The following RERE variants were observed in gnomAD, a reference collection of about 807,000 sequenced individuals.
RERE encodes the protein arginine-glutamic acid dipeptide repeats protein.
A neutral mutation model predicts 146.1 loss-of-function variants in RERE; 40 were observed. The ratio of observed to expected loss-of-function variants is 0.27; its 90% CI spans 0.21 to 0.36. RERE has a LOEUF of 0.36. Among genes scored for constraint, RERE ranks in the 10% least tolerant of loss-of-function variants. The pLI, the probability that RERE is intolerant of heterozygous loss-of-function variation, is 1.00. For missense variants in RERE, 1,933 were observed against 2,138.7 expected, an observed-to-expected ratio of 0.90 and a Z score of 1.90; for synonymous variants, 1,003 against 866.0, an observed-to-expected ratio of 1.16 and a Z score of -2.78.
intron 2 of RERE, among the ~76,000 whole-genome samples, chr1:8,631,431 G>A (rs1017295572): frequency 6.6e-6 from 1 of 152,114 alleles, no homozygotes; most frequent in African/African-American, 2.4e-5. Context: ...CAGTGATGTG[G>A]ATGTTTTGGA....
At chr1:8,439,463 A>T (rs1644216929) in intron 11 of RERE, among the ~76,000 whole-genome samples, 1 of 152,248 alleles carries the variant, frequency 6.6e-6, no homozygotes, top group Non-Finnish European at 1.5e-5. Flanking sequence ...AAACACCAGG[A>T]AGAAAATAAT....
intron 12 of RERE, among the ~76,000 whole-genome samples, chr1:8,408,893 C>T (rs559467281): frequency 1.8e-4 from 27 of 152,180 alleles, no homozygotes; most frequent in African/African-American, 6.0e-4. Context: ...GTGAATACAA[C>T]GCCTGAGAAT....
chr1:8,503,585 G>A (rs1324300997), intron 8 of RERE, among the ~76,000 whole-genome samples: 2 of 152,164 alleles, frequency 1.3e-5, no homozygotes, highest in East Asian at 3.9e-4. Context: ...ACTGCTATGA[G>A]GAGAACACAA....
intron 1 of RERE, chr1:8,786,934 A>C (rs1024360641): frequency 6.4e-5 from 46 of 721,296 alleles, no homozygotes; most frequent in Non-Finnish European, 1.0e-4. Context: ...AACACCCTCC[A>C]TGGTTCCAGC....
At chr1:8,395,338 G>A (rs1643019157) in intron 12 of RERE, among the ~76,000 whole-genome samples, 2 of 152,152 alleles carry the variant, frequency 1.3e-5, no homozygotes, top group South Asian at 4.2e-4. Flanking sequence ...AGCCGGGCGT[G>A]GTGGCACACG....
chr1:8,516,635 T>C (rs1272243416), intron 7 of RERE, among the ~76,000 whole-genome samples: 1 of 152,140 alleles, frequency 6.6e-6, no homozygotes, highest in Non-Finnish European at 1.5e-5. Context: ...CTACTCAAGG[T>C]CAGCTGACTC....
In RERE at chr1:8,359,396, G is replaced by A. The variant is rs552105360; in HGVS notation, c.3618+368C>T. Among the ~76,000 whole-genome samples the A allele has an allele frequency of 5.9e-5, 9 of 152,318 alleles. No individual in the cohort carries two copies. The South Asian group carries it at 8.3e-4, about 14-fold the overall frequency. ...AGAGGCCCCTCGCAGCCTGCTTATCGCCTGAGTGCTCAGGTCTTCTCTCAA... is the reference window on the plus strand; with the variant it reads ...AGAGGCCCCTCGCAGCCTGCTTATCACCTGAGTGCTCAGGTCTTCTCTCAA... On this transcript the variant is annotated intron_variant, in intron 19 of 22. Transcript: ENST00000400908.
At chr1:8,383,210 A>C (rs918930168) in intron 12 of RERE, among the ~76,000 whole-genome samples, 4 of 151,870 alleles carry the variant, frequency 2.6e-5, no homozygotes, top group Admixed American at 2.0e-4. Flanking sequence ...TTCTGTCTGA[A>C]GATCTCAGCT....
rs35921166 is a variant in RERE, at chr1:8,574,340, CTTTTTTTT to C, written c.523-16825_523-16818del. Among the ~76,000 whole-genome samples the C allele has an allele frequency of 1.7e-4, 15 of 87,230 alleles. No homozygotes were observed. The East Asian group carries it at 5.6e-3, about 33-fold the overall frequency. 57.2% of individuals were successfully genotyped at this position (87,230 alleles called of 152,430 possible). Reference sequence around the variant, plus strand: ...GTTAAGACTATGATCTATATATAGTCTTTTTTTTTTTTTTTTTTTTTTGAGACGCAGTC... The same window carrying C: ...GTTAAGACTATGATCTATATATAGTCTTTTTTTTTTTTTTGAGACGCAGTC... On this transcript the variant is annotated intron_variant, in intron 4 of 22. Coordinates refer to ENST00000400908, the MANE Select transcript of RERE (RefSeq NM_001042681.2).
At chr1:8,413,729 GAGCAGAGGC>G (rs1643678821) in intron 12 of RERE, among the ~76,000 whole-genome samples, 1 of 152,046 alleles carries the variant, frequency 6.6e-6, no homozygotes. Context: ...GCCTGGGGAG[GAGCAGAGGC>G]AGCCCCAGCA....
intron 7 of RERE, among the ~76,000 whole-genome samples, chr1:8,540,662 TA>T (rs1043211885): frequency 6.6e-6 from 1 of 152,200 alleles, no homozygotes; most frequent in Non-Finnish European, 1.5e-5. Context: ...CTTCTCATTT[TA>T]AAAAAATAGT....
intron 1 of RERE, among the ~76,000 whole-genome samples, chr1:8,713,447 A>G (rs1440609078): frequency 6.6e-6 from 1 of 152,202 alleles, no homozygotes; most frequent in Non-Finnish European, 1.5e-5. Context: ...TTAATTAAAA[A>G]CTTTGGCCAG....
intron 7 of RERE, among the ~76,000 whole-genome samples, chr1:8,524,396 A>G (rs1184872856): frequency 1.3e-5 from 2 of 152,218 alleles, no homozygotes; most frequent in Admixed American, 6.5e-5. Context: ...GCCTTCCTAA[A>G]AACTTTCCAC....
At chr1:8,596,652 C>G (rs1339252012) in intron 4 of RERE, among the ~76,000 whole-genome samples, 1 of 148,872 alleles carries the variant, frequency 6.7e-6, no homozygotes. Flanking sequence ...GGGACTATAG[C>G]CACAAGCTAC....
At chr1:8,658,465 T>C (rs953121797) in intron 1 of RERE, among the ~76,000 whole-genome samples, 1 of 152,118 alleles carries the variant, frequency 6.6e-6, no homozygotes, top group African/African-American at 2.4e-5. Flanking sequence ...CAGAGAAAAT[T>C]CTCTTTGGTC....
intron 1 of RERE, among the ~76,000 whole-genome samples, chr1:8,689,708 C>T (rs1238535955): frequency 6.6e-6 from 1 of 151,246 alleles, no homozygotes; most frequent in Non-Finnish European, 1.5e-5. Context: ...AGGTTATATT[C>T]TTCTAAGCAA....
At chr1:8,444,255 T>G (rs1345128151) in intron 11 of RERE, among the ~76,000 whole-genome samples, 1 of 152,248 alleles carries the variant, frequency 6.6e-6, no homozygotes, top group Non-Finnish European at 1.5e-5. Context: ...GCTTTAAGAT[T>G]TAATGATTGC....
chr1:8,810,743 G>A (rs182224800), intron 1 of RERE, among the ~76,000 whole-genome samples: 4 of 152,230 alleles, frequency 2.6e-5, no homozygotes. Flanking sequence ...GGTAAGGGAG[G>A]AAAATGAAAA....
At chr1:8,569,249 T>C (rs1646188942) in intron 4 of RERE, among the ~76,000 whole-genome samples, 2 of 143,178 alleles carry the variant, frequency 1.4e-5, no homozygotes, top group South Asian at 4.7e-4. Context: ...ATTAAATTTC[T>C]TTAAAAGCAA....
Sources: gnomAD v4.1 joint callset for allele counts (sites outside exome capture counted in the v4.1 genomes callset) on GRCh38, gnomAD v4.1.1 for gene constraint, MANE v1.5 for transcripts, NCBI Gene and HGNC (gene_info 2026-07-23, HGNC 2026-07-21) for gene names.